Variants in GRB10 observed in about 807,000 individuals in gnomAD.
The protein encoded by GRB10 is growth factor receptor bound protein 10.
A neutral mutation model predicts 80.9 loss-of-function variants in GRB10; 20 were observed. The observed-to-expected ratio is 0.25, with a 90% CI of 0.17 to 0.36. GRB10 has a LOEUF of 0.36. Ranked by LOEUF, GRB10 falls within the 10% of genes least tolerant of loss-of-function variation. GRB10 has a pLI of 1.00. For synonymous variants in GRB10, 291 were observed against 291.5 expected (o/e 1.00, Z 0.02); for missense variants, 548 against 747.7 (o/e 0.73, Z 3.12).
chr7:50,639,253 C>T (rs997551251), intron 7 of GRB10, among the ~76,000 whole-genome samples: 6 of 152,130 alleles, frequency 3.9e-5, no homozygotes, highest in African/African-American at 7.2e-5. Context: ...TTTAAAAATA[C>T]GTTTTAAAAT....
At chr7:50,612,031 C>A (rs1237053564) in intron 13 of GRB10, among the ~76,000 whole-genome samples, 1 of 152,132 alleles carries the variant, frequency 6.6e-6, no homozygotes, top group Non-Finnish European at 1.5e-5. Context: ...AGTAAACAGC[C>A]CTATGAAATC....
At chr7:50,743,456 A>G (rs912615529) in intron 3 of GRB10, among the ~76,000 whole-genome samples, 2 of 152,258 alleles carry the variant, frequency 1.3e-5, no homozygotes, top group Non-Finnish European at 2.9e-5. Context: ...GCTGCGAAGC[A>G]CAGCACCACT....
At chr7:50,643,868 G>T (rs2153610212) in intron 7 of GRB10, among the ~76,000 whole-genome samples, 1 of 152,316 alleles carries the variant, frequency 6.6e-6, no homozygotes, top group East Asian at 1.9e-4. Flanking sequence ...TCAGGGTAAA[G>T]AATATATGAG....
At chr7:50,678,439 T>C (rs549264955) in intron 5 of GRB10, among the ~76,000 whole-genome samples, 3 of 152,346 alleles carry the variant, frequency 2.0e-5, no homozygotes, top group Admixed American at 2.0e-4. Flanking sequence ...TCCAGAGCCA[T>C]TACAGCAAAA....
Position 50,593,110 on chromosome 7 carries a change from C to A in GRB10, c.1639-12G>T. On this transcript the variant is annotated splice_polypyrimidine_tract_variant and intron_variant, in intron 18 of 18. Coordinates refer to ENST00000401949, the MANE Select transcript of GRB10 (RefSeq NM_001350814.2). ...CCGTCGTCCTCGCACTGGAGAGACA[C>A]AAGAACACTTGCCAGGTTAGAGGCT... The A allele has an allele frequency of 1.2e-6, 2 of 1,614,064 alleles. No homozygotes were observed. The highest frequency in any genetic ancestry group is 8.5e-7 in the Non-Finnish European group (1 of 1,180,024).
chr7:50,605,197 A>T, intron 15 of GRB10, 93 bp downstream of exon 15: 1 of 944,848 alleles, frequency 1.1e-6, no homozygotes, highest in Non-Finnish European at 1.7e-6. Context: ...CCTCTTGCCA[A>T]CCCGCATAGA....
At chr7:50,743,124 G>A (rs1427902871) in intron 3 of GRB10, among the ~76,000 whole-genome samples, 2 of 152,192 alleles carry the variant, frequency 1.3e-5, no homozygotes, top group African/African-American at 4.8e-5. Flanking sequence ...ACAATGCATT[G>A]ATGGGAGAAG....
At chr7:50,698,801 A>T (rs577389327) in intron 5 of GRB10, among the ~76,000 whole-genome samples, 196 of 152,340 alleles carry the variant, frequency 1.3e-3, no homozygotes, top group Non-Finnish European at 2.4e-3. Context: ...TTTCTTATTA[A>T]AGTTAGGAAA....
intron 1 of GRB10, chr7:50,792,752 C>T (rs541029873): frequency 1.9e-5 from 5 of 264,204 alleles, no homozygotes; most frequent in African/African-American, 4.5e-5. Flanking sequence ...GCCGCGGCCC[C>T]GCCGCGCAGT....
chr7:50,658,447 C>A (rs2237457), intron 7 of GRB10, among the ~76,000 whole-genome samples: 2 of 152,148 alleles, frequency 1.3e-5, no homozygotes, highest in South Asian at 4.1e-4. Flanking sequence ...GCAAAATAGG[C>A]GGTCTCTGTG....
intron 8 of GRB10, among the ~76,000 whole-genome samples, 167 bp downstream of exon 8, chr7:50,626,655 G>C (rs1011828262): frequency 6.6e-6 from 1 of 152,230 alleles, no homozygotes; most frequent in Non-Finnish European, 1.5e-5. Flanking sequence ...CTGGAGGGAG[G>C]AGAGTGAAAT....
At chr7:50,677,771 C>T (rs2061115504) in intron 5 of GRB10, among the ~76,000 whole-genome samples, 1 of 152,208 alleles carries the variant, frequency 6.6e-6, no homozygotes, top group African/African-American at 2.4e-5. Context: ...CTGGCCAAAA[C>T]ACAAAGTTCA....
At chr7:50,732,126 C>T (rs1385704188) in intron 4 of GRB10, 146 bp downstream of exon 4, 2 of 810,658 alleles carry the variant, frequency 2.5e-6, no homozygotes, top group African/African-American at 1.7e-5. Flanking sequence ...GGCCTCTGCA[C>T]CATGGGACTT....
chr7:50,719,575 G>T (rs2067394562), intron 4 of GRB10, among the ~76,000 whole-genome samples: 1 of 151,948 alleles, frequency 6.6e-6, no homozygotes, highest in African/African-American at 2.4e-5. Flanking sequence ...CTAATGCATG[G>T]GGGGCTTAAA....
intron 3 of GRB10, among the ~76,000 whole-genome samples, chr7:50,738,484 G>A (rs912033447): frequency 6.6e-6 from 1 of 152,180 alleles, no homozygotes; most frequent in African/African-American, 2.4e-5. Flanking sequence ...TGTCACTCAG[G>A]CTGGAGAGCA....
intron 4 of GRB10, 110 bp downstream of exon 4, chr7:50,732,162 C>T (rs2153692497): frequency 9.1e-7 from 1 of 1,101,588 alleles, no homozygotes; most frequent in Non-Finnish European, 1.4e-6. Flanking sequence ...TCCAGCGTGT[C>T]CTAGTGACCT....
chr7:50,600,055 C>T (rs549329032), intron 17 of GRB10, among the ~76,000 whole-genome samples: 1 of 152,280 alleles, frequency 6.6e-6, no homozygotes, highest in South Asian at 2.1e-4. Context: ...TGTGGAAGTG[C>T]CAATTCTCCA....
chr7:50,702,207 A>G (rs2064339863), intron 5 of GRB10, among the ~76,000 whole-genome samples: 1 of 152,194 alleles, frequency 6.6e-6, no homozygotes, highest in Admixed American at 6.5e-5. Flanking sequence ...ATGAGTTCAC[A>G]TGCACTACAA....
At chr7:50,654,183 T>C (rs773167050) in intron 7 of GRB10, among the ~76,000 whole-genome samples, 4 of 152,206 alleles carry the variant, frequency 2.6e-5, no homozygotes, top group Non-Finnish European at 5.9e-5. Context: ...AGCAGCAGCA[T>C]GTCCCCAGCT....
Sources: gnomAD v4.1 joint callset for allele counts (sites outside exome capture counted in the v4.1 genomes callset) on GRCh38, gnomAD v4.1.1 for gene constraint, MANE v1.5 for transcripts, NCBI Gene and HGNC (gene_info 2026-07-23, HGNC 2026-07-21) for gene names.